NKAIN3: variants seen among roughly 807,000 people sequenced by gnomAD.
NKAIN3 encodes sodium/potassium-transporting ATPase subunit beta-1-interacting protein 3.
In NKAIN3, 25 loss-of-function variants were observed where a neutral mutation model predicts 30.2. The ratio of observed to expected loss-of-function variants is 0.83; its 90% CI spans 0.60 to 1.16. NKAIN3 has a LOEUF of 1.16. Among genes scored for constraint, NKAIN3 ranks in the 50% most tolerant of loss-of-function variants. The probability of loss-of-function intolerance (pLI) is 0.00; values close to 1 mark genes in which losing one functional copy is unlikely to be tolerated. For missense variants in NKAIN3, 225 were observed against 254.1 expected (o/e 0.89, Z 0.78); for synonymous variants, 91 against 89.6 (o/e 1.02, Z -0.09).
chr8:62,663,324 T>C (rs1158929439), intron 3 of NKAIN3, among the ~76,000 whole-genome samples: 1 of 152,218 alleles, frequency 6.6e-6, no homozygotes, highest in East Asian at 1.9e-4. Flanking sequence ...GAAAGATACT[T>C]ACTTGTCTCT....
At chr8:62,323,318 A>G (rs1815003849) in intron 1 of NKAIN3, among the ~76,000 whole-genome samples, 1 of 152,222 alleles carries the variant, frequency 6.6e-6, no homozygotes, top group Admixed American at 6.5e-5. Context: ...AGAAAATGAT[A>G]TTTATTCAGG....
chr8:62,573,616 C>T (rs1810015352), intron 1 of NKAIN3, among the ~76,000 whole-genome samples: 1 of 151,896 alleles, frequency 6.6e-6, no homozygotes, highest in Non-Finnish European at 1.5e-5. Context: ...TCATCCTATT[C>T]TTTATAGTGT....
chr8:62,797,125 G>A (rs1383113553), intron 4 of NKAIN3, among the ~76,000 whole-genome samples: 1 of 152,168 alleles, frequency 6.6e-6, no homozygotes, highest in Non-Finnish European at 1.5e-5. Context: ...TTGTTTCCGA[G>A]AAGGATCTCT....
intron 1 of NKAIN3, among the ~76,000 whole-genome samples, chr8:62,449,476 C>G (rs898147716): frequency 3.3e-5 from 5 of 151,966 alleles, no homozygotes; most frequent in Middle Eastern, 3.2e-3. Context: ...ACCATGCTGG[C>G]TTTTAGGAAA....
intron 3 of NKAIN3, among the ~76,000 whole-genome samples, chr8:62,695,763 AG>A (rs1814134046): frequency 6.6e-6 from 1 of 152,172 alleles, no homozygotes; most frequent in South Asian, 2.1e-4. Flanking sequence ...AGCAGAACTC[AG>A]GGGAGAGTGA....
intron 3 of NKAIN3, among the ~76,000 whole-genome samples, chr8:62,704,039 A>G (rs534457780): frequency 1.5e-4 from 23 of 152,194 alleles, no homozygotes; most frequent in Admixed American, 4.6e-4. Context: ...CAATATGTCA[A>G]CTTACGATAA....
chr8:62,531,663 G>A (rs1808494943), intron 1 of NKAIN3, among the ~76,000 whole-genome samples: 1 of 152,160 alleles, frequency 6.6e-6, no homozygotes, highest in Non-Finnish European at 1.5e-5. Flanking sequence ...AGTAGATGGT[G>A]CATACATTTT....
At position 62,953,893 on chromosome 8, in the gene NKAIN3, T is replaced by C; in HGVS notation, c.533-9T>C. ...ACACTTATTCATATGGCCTATGTTA[T>C]ATTTTCAGTTGATTTCATAGGTGGA... On this transcript the variant is annotated splice_polypyrimidine_tract_variant and intron_variant, in intron 5 of 6. Coordinates refer to ENST00000623646, the MANE Select transcript of NKAIN3 (RefSeq NM_001304533.3). 1 of 935,736 alleles carries C rather than the reference T, an allele frequency of 1.1e-6. No homozygotes were observed. The allele number at this position is 935,736 out of a possible 1,614,324, so 58.0% of individuals were successfully genotyped here.
chr8:62,853,104 T>C (rs1051540809), intron 4 of NKAIN3, among the ~76,000 whole-genome samples: 7 of 152,184 alleles, frequency 4.6e-5, no homozygotes, highest in Non-Finnish European at 8.8e-5. Flanking sequence ...TCTTTCTAGG[T>C]CTCTAAGGAC....
chr8:62,952,221 TAC>T, intron 5 of NKAIN3, among the ~76,000 whole-genome samples: 3 of 152,158 alleles, frequency 2.0e-5, no homozygotes, highest in Admixed American at 2.0e-4. Context: ...GTGGAAATAA[TAC>T]AATACAATTT....
chr8:62,757,066 C>A (rs1434850216), intron 4 of NKAIN3, among the ~76,000 whole-genome samples: 1 of 152,012 alleles, frequency 6.6e-6, no homozygotes, highest in African/African-American at 2.4e-5. Flanking sequence ...GTATCTAGTA[C>A]AAAAGCCATT....
chr8:62,953,655 A>AT (rs1054795691), intron 5 of NKAIN3, among the ~76,000 whole-genome samples: 56 of 152,128 alleles, frequency 3.7e-4, no homozygotes, highest in African/African-American at 1.4e-3. Context: ...ATATTACTTC[A>AT]TTTTTTACTG....
At chr8:62,658,119 C>A (rs748664167) in intron 3 of NKAIN3, among the ~76,000 whole-genome samples, 1 of 152,184 alleles carries the variant, frequency 6.6e-6, no homozygotes, top group Non-Finnish European at 1.5e-5. Flanking sequence ...TGGAATTAAA[C>A]TGAATGTGCT....
At chr8:62,291,255 T>G (rs1813614223) in intron 1 of NKAIN3, among the ~76,000 whole-genome samples, 1 of 152,230 alleles carries the variant, frequency 6.6e-6, no homozygotes, top group South Asian at 2.1e-4. Context: ...TGCTCTGATC[T>G]TAGTTATTTC....
chr8:62,785,036 T>A (rs2130659872), intron 4 of NKAIN3, among the ~76,000 whole-genome samples: 1 of 152,288 alleles, frequency 6.6e-6, no homozygotes, highest in South Asian at 2.1e-4. Flanking sequence ...GCAGCTGCTT[T>A]GGAAAACAGT....
intron 1 of NKAIN3, among the ~76,000 whole-genome samples, chr8:62,360,893 T>A (rs555537568): frequency 1.3e-5 from 2 of 152,300 alleles, no homozygotes; most frequent in South Asian, 2.1e-4. Flanking sequence ...TTGTCTTTTT[T>A]AATCTTTGTT....
chr8:62,854,803 G>C (rs1242719591), intron 4 of NKAIN3, among the ~76,000 whole-genome samples: 1 of 152,106 alleles, frequency 6.6e-6, no homozygotes, highest in African/African-American at 2.4e-5. Context: ...ACTAGTCTGT[G>C]CACTTCCATA....
rs188538092 is a variant in NKAIN3 at position 62,812,778 on chromosome 8, C to T, written c.471+65649C>T. The stretch of plus-strand genomic sequence containing the variant: ...ACTAAATTTATTCAATGCTATTTTC[C>T]TCCCTGAATGATAAGATGATGTCAC... On this transcript the variant is annotated intron_variant, in intron 4 of 6. Transcript: ENST00000623646. Among the ~76,000 whole-genome samples, 898 of 151,872 alleles carry T rather than the reference C, an allele frequency of 5.9e-3. 3 individuals carry two copies. The highest frequency in any genetic ancestry group is 0.01 in the Non-Finnish European group (699 of 67,798).
At position 62,982,089 on chromosome 8, in the gene NKAIN3, A is replaced by G. The variant is rs1291450410; in HGVS notation, c.*16682A>G. ...AAACTCATATAAAAATCTAAACTAC[A>G]GTTTTATGGGGATAGTTAAGGTAAG... On this transcript the variant is annotated 3_prime_UTR_variant, in exon 7 of 7. Transcript: ENST00000623646. The G allele has an allele frequency of 2.0e-5, 3 of 152,158 alleles. No homozygotes were observed. The highest frequency in any genetic ancestry group is 4.4e-5 in the Non-Finnish European group (3 of 68,026). The allele number at this position is 152,158 out of a possible 1,614,324, so 9.4% of individuals were successfully genotyped here.
Sources: allele counts gnomAD v4.1 joint callset (sites outside exome capture counted in the v4.1 genomes callset), GRCh38; gene constraint gnomAD v4.1.1; transcripts MANE v1.5; gene names NCBI Gene and HGNC (gene_info 2026-07-23, HGNC 2026-07-21).